SUMF1: variants seen among roughly 807,000 people sequenced by gnomAD.
SUMF1 encodes the protein formylglycine-generating enzyme.
In SUMF1, 48 loss-of-function variants were observed where a neutral mutation model predicts 47.6. That is an observed-to-expected ratio of 1.01 (90% CI 0.80 to 1.28). SUMF1 has a LOEUF of 1.28. Ranked by LOEUF, SUMF1 falls within the 50% of genes most tolerant of loss-of-function variation. The pLI is 0.00. For missense variants in SUMF1, 571 were observed against 485.4 expected, an observed-to-expected ratio of 1.18 and a Z score of -1.66; for synonymous variants, 230 against 192.1, an observed-to-expected ratio of 1.20 and a Z score of -1.63.
intron 8 of SUMF1, among the ~76,000 whole-genome samples, chr3:4,248,993 A>C (rs1356351325): frequency 6.6e-6 from 1 of 152,178 alleles, no homozygotes; most frequent in Non-Finnish European, 1.5e-5. Flanking sequence ...GTGCATCTGC[A>C]TGATCTTTCG....
At chr3:4,168,023 T>C (rs1694750694) in intron 8 of SUMF1, among the ~76,000 whole-genome samples, 1 of 152,180 alleles carries the variant, frequency 6.6e-6, no homozygotes, top group Non-Finnish European at 1.5e-5. Flanking sequence ...TGCATATTTA[T>C]TGTGCTCATA....
At chr3:4,411,766 T>C (rs1471040548) in intron 6 of SUMF1, among the ~76,000 whole-genome samples, 1 of 151,648 alleles carries the variant, frequency 6.6e-6, no homozygotes, top group African/African-American at 2.4e-5. Context: ...TTTGCTGGCT[T>C]AATGGCTTAA....
chr3:4,175,626 T>A (rs1206992032), intron 8 of SUMF1, among the ~76,000 whole-genome samples: 12 of 152,118 alleles, frequency 7.9e-5, no homozygotes, highest in Admixed American at 7.9e-4. Context: ...ATCGAGCAGT[T>A]TTCTTCTCCA....
rs117584638 is a variant in SUMF1, at chr3:4,295,732, C to T, written c.1014+80598G>A. Among the ~76,000 whole-genome samples the T allele has an allele frequency of 3.3e-4, 50 of 152,272 alleles. No individual in the cohort carries two copies. In the East Asian group the frequency reaches 6.6e-3, roughly 20 times the overall value. ...ACATAATACTCTTCTTTCACCTCTTCGCATATTATCAAACAATCCACATTT... is the reference window on the plus strand; with the variant it reads ...ACATAATACTCTTCTTTCACCTCTTTGCATATTATCAAACAATCCACATTT... On this transcript the variant is annotated intron_variant and NMD_transcript_variant, in intron 8 of 12. Transcript: ENST00000448413.
intron 8 of SUMF1, among the ~76,000 whole-genome samples, chr3:4,128,766 G>T (rs1693717505): frequency 6.6e-6 from 1 of 152,158 alleles, no homozygotes; most frequent in South Asian, 2.1e-4. Flanking sequence ...ACGGGCATGG[G>T]AATGGATAGT....
At chr3:4,254,788 G>T in intron 8 of SUMF1, among the ~76,000 whole-genome samples, 2 of 149,444 alleles carry the variant, frequency 1.3e-5, no homozygotes, top group African/African-American at 4.9e-5. Flanking sequence ...TCCTCGAGAA[G>T]AGCAACTCCA....
At chr3:4,448,054 G>A (rs1702842339) in intron 3 of SUMF1, among the ~76,000 whole-genome samples, 1 of 152,094 alleles carries the variant, frequency 6.6e-6, no homozygotes, top group South Asian at 2.1e-4. Flanking sequence ...AAAAAGTAGG[G>A]CGGAGGGGAA....
rs140579538 is a variant in SUMF1, at chr3:4,144,951, G to A, written c.1015-76206C>T. On this transcript the variant is annotated intron_variant and NMD_transcript_variant, in intron 8 of 12. Transcript: ENST00000448413. ...GCGGTGGCTCACGCCTGTAATCCCA[G>A]CACTTTGGGAGGCCAAGGCAGGTGG... Among the ~76,000 whole-genome samples, 406 of 152,208 alleles carry A rather than the reference G, an allele frequency of 2.7e-3. 3 individuals carry two copies. The highest frequency in any genetic ancestry group is 8.2e-3 in the African/African-American group (341 of 41,514).
At chr3:4,195,387 A>G (rs1418797732) in intron 8 of SUMF1, among the ~76,000 whole-genome samples, 1 of 152,082 alleles carries the variant, frequency 6.6e-6, no homozygotes, top group Non-Finnish European at 1.5e-5. Context: ...AAGGTTCTCA[A>G]AGAACTTATT....
At chr3:4,425,491 G>C (rs991813565) in intron 3 of SUMF1, among the ~76,000 whole-genome samples, 1 of 152,078 alleles carries the variant, frequency 6.6e-6, no homozygotes, top group African/African-American at 2.4e-5. Flanking sequence ...CCCCATATCT[G>C]TTCAGCTTGA....
At chr3:4,199,335 A>G (rs1437460358) in intron 8 of SUMF1, among the ~76,000 whole-genome samples, 2 of 152,138 alleles carry the variant, frequency 1.3e-5, no homozygotes, top group Non-Finnish European at 2.9e-5. Context: ...TTATTGCTGA[A>G]TGGTATTCCA....
At chr3:4,167,223 C>T (rs972185526) in intron 8 of SUMF1, among the ~76,000 whole-genome samples, 13 of 152,100 alleles carry the variant, frequency 8.5e-5, no homozygotes, top group South Asian at 6.2e-4. Flanking sequence ...TTGTGAAGAG[C>T]GAAAGAACAA....
intron 7 of SUMF1, among the ~76,000 whole-genome samples, chr3:4,394,945 A>C (rs140837462): frequency 5.3e-5 from 8 of 152,298 alleles, no homozygotes; most frequent in African/African-American, 1.7e-4. Flanking sequence ...CCATCTTTCG[A>C]GAAAGGAACT....
chr3:4,040,527 C>T (rs1479794605), intron 9 of SUMF1, among the ~76,000 whole-genome samples: 1 of 152,050 alleles, frequency 6.6e-6, no homozygotes, highest in Non-Finnish European at 1.5e-5. Context: ...GAAACAATAG[C>T]AACTATATGA....
intron 9 of SUMF1, among the ~76,000 whole-genome samples, chr3:4,050,747 T>C (rs1464663513): frequency 1.6e-4 from 6 of 36,672 alleles, no homozygotes; most frequent in Middle Eastern, 0.023. Flanking sequence ...AGACCCTGTC[T>C]CAAAAAAAAA....
rs938419975 is a variant in SUMF1 at position 4,361,820 on chromosome 3, G to T, written c.*324C>A. The T allele has an allele frequency of 2.5e-5, 9 of 357,292 alleles. No individual in the cohort carries two copies. The highest frequency in any genetic ancestry group is 4.8e-5 in the Non-Finnish European group (9 of 187,732). The allele number at this position is 357,292 out of a possible 1,614,324, so 22.1% of individuals were successfully genotyped here. Reference sequence around the variant, plus strand: ...CCAGGAAGGTCAAGCGTCGGACCTGGGGTCTAACCCCTGTGGCAGAGCCTG... The same window carrying T: ...CCAGGAAGGTCAAGCGTCGGACCTGTGGTCTAACCCCTGTGGCAGAGCCTG... On this transcript the variant is annotated 3_prime_UTR_variant, in exon 9 of 9. Coordinates refer to ENST00000272902, the MANE Select transcript of SUMF1 (RefSeq NM_182760.4).
intron 8 of SUMF1, chr3:4,316,685 G>A (rs1217565789): frequency 1.3e-6 from 2 of 1,551,062 alleles, no homozygotes; most frequent in African/African-American, 2.7e-5. Flanking sequence ...GTGATGAAAA[G>A]TGGATTTTAT....
At chr3:4,461,184 A>G (rs1397585894) in intron 1 of SUMF1, among the ~76,000 whole-genome samples, 1 of 152,206 alleles carries the variant, frequency 6.6e-6, no homozygotes, top group Non-Finnish European at 1.5e-5. Context: ...CTAGACATGC[A>G]TAACATGTCA....
At chr3:4,051,627 T>C (rs1559428733) in intron 9 of SUMF1, among the ~76,000 whole-genome samples, 2 of 152,154 alleles carry the variant, frequency 1.3e-5, no homozygotes, top group Admixed American at 6.6e-5. Context: ...TCCCACTTTT[T>C]TCCTCCCTCC....
Sources: allele counts gnomAD v4.1 joint callset (sites outside exome capture counted in the v4.1 genomes callset), GRCh38; gene constraint gnomAD v4.1.1; transcripts MANE v1.5; gene names NCBI Gene and HGNC (gene_info 2026-07-23, HGNC 2026-07-21).